Variants in DDX21 observed in about 807,000 individuals in gnomAD.
The protein encoded by DDX21 is DExD-box helicase 21.
Under a neutral mutation model 90.0 loss-of-function variants are expected in DDX21, and 18 were observed. The observed-to-expected ratio is 0.20, with a 90% confidence interval of 0.14 to 0.30. The LOEUF (loss-of-function observed/expected upper bound fraction) is 0.30, where lower values mean the gene tolerates loss of function less well. DDX21 is among the 10% of genes least tolerant of loss of function. The pLI is 1.00. For missense variants in DDX21, 673 were observed against 944.5 expected (o/e 0.71, Z 3.77); for synonymous variants, 294 against 318.0 (o/e 0.92, Z 0.80).
Position 68,973,521 on chromosome 10 carries a change from TACTC to T in DDX21, c.1549-22_1549-19del. The T allele has an allele frequency of 6.2e-7, 1 of 1,613,718 alleles. No homozygotes were observed. The stretch of plus-strand genomic sequence containing the variant: ...TTGTCTCTCTTTTTTGGTTTAGTGT[TACTC>T]ATGTATTTTACTTCAATAGGATGTA... On this transcript the variant is annotated intron_variant, in intron 9 of 14. Coordinates refer to ENST00000354185, the MANE Select transcript of DDX21 (RefSeq NM_004728.4).
At chr10:68,976,831 G>C (rs1232746348) in intron 11 of DDX21, among the ~76,000 whole-genome samples, 1 of 152,132 alleles carries the variant, frequency 6.6e-6, no homozygotes, top group Admixed American at 6.5e-5. Flanking sequence ...CTTTGAATGG[G>C]ACATTTATTA....
At chr10:68,959,679 T>C in intron 1 of DDX21, 127 bp from the exon 2 acceptor site, 1 of 743,128 alleles carries the variant, frequency 1.3e-6, no homozygotes, top group Non-Finnish European at 2.0e-6. Flanking sequence ...AGTACAAATG[T>C]CGAAATGCCC....
chr10:68,959,529 A>G (rs1272459441), intron 1 of DDX21, among the ~76,000 whole-genome samples: 1 of 152,134 alleles, frequency 6.6e-6, no homozygotes, highest in Non-Finnish European at 1.5e-5. Flanking sequence ...TTTGACCCAC[A>G]TGAGTTGAAT....
intron 5 of DDX21, 129 bp downstream of exon 5, chr10:68,965,623 A>G (rs1842929391): frequency 2.9e-6 from 2 of 684,146 alleles, no homozygotes; most frequent in South Asian, 1.9e-5. Context: ...TTCTTTTGCC[A>G]TTGTTTAAAC....
intron 12 of DDX21, among the ~76,000 whole-genome samples, chr10:68,978,600 T>C (rs746610141): frequency 7.2e-4 from 109 of 152,206 alleles, no homozygotes; most frequent in Non-Finnish European, 9.0e-4. Context: ...TCAGCTTCCC[T>C]AAATGGCAAT....
At chr10:68,981,609 T>A in intron 14 of DDX21, 28 bp downstream of exon 14, 1 of 1,522,670 alleles carries the variant, frequency 6.6e-7, no homozygotes, top group Non-Finnish European at 9.1e-7. Flanking sequence ...ATTTTAAAGT[T>A]AACATACCTA....
intron 11 of DDX21, among the ~76,000 whole-genome samples, chr10:68,975,219 T>G (rs1843082756): frequency 6.6e-6 from 1 of 152,206 alleles, no homozygotes; most frequent in Admixed American, 6.5e-5. Flanking sequence ...TCCAGTTCCT[T>G]CCCTGGTAGG....
At chr10:68,967,485 T>G (rs889617734) in intron 6 of DDX21, among the ~76,000 whole-genome samples, 17 of 152,090 alleles carry the variant, frequency 1.1e-4, no homozygotes, top group African/African-American at 3.9e-4. Flanking sequence ...CTAAGTAGTT[T>G]TCTAAGAGAT....
intron 5 of DDX21, 66 bp downstream of exon 5, chr10:68,965,560 C>A: frequency 1.7e-6 from 2 of 1,198,172 alleles, no homozygotes; most frequent in Non-Finnish European, 2.4e-6. Context: ...GATTGGATTT[C>A]TTTTCACCTT....
chr10:68,967,203 G>T lies in DDX21; in HGVS notation c.1090G>T (p.Asp364Tyr). ...EEILSVAYKK[D>Y]SEDNPQTLLF... ...GATTTTAAGTGTGGCATACAAGAAA[G>T]GTAATCCACAAATTCAAGAAGCTGA... is the stretch of plus-strand genomic sequence containing the variant. The change falls in exon 6 of 15, where the codon GAT becomes TAT. Residue 364 changes from aspartate (D) to tyrosine (Y), a missense_variant and splice_region_variant. Physicochemically the swap from Asp to Tyr is radical, Grantham distance 160. Transcript: ENST00000354185. 1.2e-6 allele frequency: 2 copies of T among 1,604,870 alleles called. No individual in the cohort carries two copies. The highest frequency in any genetic ancestry group is 2.2e-5 in the South Asian group (2 of 90,108).
At chr10:68,970,400 C>A in intron 8 of DDX21, 50 bp downstream of exon 8, 2 of 1,558,212 alleles carry the variant, frequency 1.3e-6, no homozygotes, top group Non-Finnish European at 1.7e-6. Flanking sequence ...AACAAATCTT[C>A]ACCTTGGGCA....
chr10:68,965,032 G>A (rs1842922848), intron 4 of DDX21, among the ~76,000 whole-genome samples: 1 of 152,142 alleles, frequency 6.6e-6, no homozygotes, highest in African/African-American at 2.4e-5. Flanking sequence ...TTACTTCTCT[G>A]ATTTTGTTCT....
At chr10:68,971,828 T>C in intron 8 of DDX21, 63 bp from the exon 9 acceptor site, 1 of 1,539,378 alleles carries the variant, frequency 6.5e-7, no homozygotes. Flanking sequence ...GCCTAACTGA[T>C]GAAGAGAAAA....
In DDX21 at chr10:68,982,817, A is replaced by G. The variant is rs200754055; in HGVS notation, c.*5A>G. ...AGTAAAGCATTTGGTCAATAATTAGAAATAGAAGATTTATATAGCAAAAAG... is the reference window on the plus strand; with the variant it reads ...AGTAAAGCATTTGGTCAATAATTAGGAATAGAAGATTTATATAGCAAAAAG... On this transcript the variant is annotated 3_prime_UTR_variant, in exon 15 of 15. Coordinates refer to ENST00000354185, the MANE Select transcript of DDX21 (RefSeq NM_004728.4). The G allele has an allele frequency of 6.2e-7, 1 of 1,613,310 alleles. No homozygotes were observed. Among genetic ancestry groups the G allele is most frequent in the Admixed American group, 1.7e-5 (1 of 59,934 alleles).
chr10:68,968,094 C>T (rs1279490402), intron 6 of DDX21, among the ~76,000 whole-genome samples: 4 of 151,074 alleles, frequency 2.6e-5, no homozygotes, highest in Admixed American at 6.6e-5. Flanking sequence ...TGGTCTTGAA[C>T]TCTTGGACTC....
chr10:68,969,566 C>T (rs1842992620), intron 7 of DDX21, among the ~76,000 whole-genome samples: 1 of 152,202 alleles, frequency 6.6e-6, no homozygotes, highest in Non-Finnish European at 1.5e-5. Flanking sequence ...GTGTGAGCCA[C>T]CACGCCCGGC....
chr10:68,970,486 T>A, intron 8 of DDX21, 136 bp downstream of exon 8: 10 of 102,900 alleles, frequency 9.7e-5, no homozygotes, highest in South Asian at 3.1e-4. Flanking sequence ...AGGAAGCTAC[T>A]TTTTTTTTTT....
rs575616349 is a variant in DDX21, at chr10:68,958,435, T to TA, written c.88-1361dup. Among the ~76,000 whole-genome samples, 1,222 of 127,306 alleles carry TA rather than the reference T, an allele frequency of 9.6e-3. 27 individuals are homozygous for TA. The highest frequency in any genetic ancestry group is 0.034 in the African/African-American group (1,141 of 33,766). The allele number at this position is 127,306 out of a possible 152,430, so 83.5% of individuals were successfully genotyped here. A position where few individuals can be genotyped will look rare whatever the true frequency, so the allele number is the denominator to read the frequency against. On this transcript the variant is annotated intron_variant, in intron 1 of 14. Transcript: ENST00000354185. The stretch of plus-strand genomic sequence containing the variant: ...AGGTGTGCTGCTACACCTGGCTAAT[T>TA]AAAAAAAAAATTTTTTTTTTTGAGA...
At chr10:68,968,948 C>A in intron 6 of DDX21, 28 bp from the exon 7 acceptor site, 1 of 1,610,874 alleles carries the variant, frequency 6.2e-7, no homozygotes, top group Non-Finnish European at 8.5e-7. Flanking sequence ...ATTATTCATA[C>A]TGACTTTTTT....
Sources: allele counts gnomAD v4.1 joint callset (sites outside exome capture counted in the v4.1 genomes callset), GRCh38; gene constraint gnomAD v4.1.1; transcripts MANE v1.5; gene names NCBI Gene and HGNC (gene_info 2026-07-23, HGNC 2026-07-21).